Variants in GMDS observed in about 807,000 individuals in gnomAD.
GMDS encodes GDP-mannose 4,6 dehydratase.
Under a neutral mutation model 49.9 loss-of-function variants are expected in GMDS, and 20 were observed. That is an observed-to-expected ratio of 0.40 (90% CI 0.28 to 0.58). The LOEUF is 0.58. Among genes scored for constraint, GMDS ranks in the 20% least tolerant of loss-of-function variants. GMDS has a pLI of 0.42. For missense variants in GMDS, 362 were observed against 481.4 expected (o/e 0.75, Z 2.32); for synonymous variants, 177 against 178.6 (o/e 0.99, Z 0.07).
rs570552917 is a variant in GMDS, at chr6:1,640,884, G to C, written c.988-16344C>G. The stretch of plus-strand genomic sequence containing the variant: ...TATGATTGACAGTGGGGGCTGCCCT[G>C]GGTAAAGCTTGAGGTGGAGGGAGCA... On this transcript the variant is annotated intron_variant, in intron 9 of 10. Transcript: ENST00000380815. The surrounding 1 kb of genome is among the most constrained non-coding windows in gnomAD (Gnocchi z 4.0). 2.4e-4 allele frequency among the ~76,000 whole-genome samples: 37 copies of C among 152,222 alleles called. No individual in the cohort carries two copies. The highest frequency in any genetic ancestry group is 5.0e-4 in the Non-Finnish European group (34 of 68,036).
chr6:2,228,276 C>T (rs1229964607), intron 1 of GMDS, among the ~76,000 whole-genome samples: 4 of 152,196 alleles, frequency 2.6e-5, no homozygotes, highest in African/African-American at 9.7e-5. Context: ...AAAGCCAACA[C>T]CAACACCACC....
intron 7 of GMDS, among the ~76,000 whole-genome samples, chr6:1,878,033 G>A (rs1430387757): frequency 6.6e-6 from 1 of 152,142 alleles, no homozygotes; most frequent in African/African-American, 2.4e-5. Flanking sequence ...AAGAAGTCCT[G>A]CTGGGCGCGG....
chr6:2,104,452 C>A (rs1335742087), intron 4 of GMDS, among the ~76,000 whole-genome samples: 2 of 152,208 alleles, frequency 1.3e-5, no homozygotes, highest in South Asian at 4.1e-4. Flanking sequence ...GCAAGGTTCA[C>A]TTCCTTTGTC....
intron 4 of GMDS, among the ~76,000 whole-genome samples, chr6:2,104,956 G>A (rs1304815595): frequency 6.6e-6 from 1 of 151,998 alleles, no homozygotes; most frequent in Non-Finnish European, 1.5e-5. Flanking sequence ...GCTGAGGCGG[G>A]CAGATCACAA....
At chr6:1,776,635 G>A (rs1355878605) in intron 7 of GMDS, among the ~76,000 whole-genome samples, 1 of 152,096 alleles carries the variant, frequency 6.6e-6, no homozygotes, top group Non-Finnish European at 1.5e-5. Context: ...AGCTATGATT[G>A]CACTATTGCA....
intron 1 of GMDS, among the ~76,000 whole-genome samples, chr6:2,233,128 T>C (rs1246800714): frequency 6.6e-6 from 1 of 152,216 alleles, no homozygotes; most frequent in Admixed American, 6.5e-5. Flanking sequence ...ATAAATTGTA[T>C]GTTACATGTT....
chr6:1,841,923 TTCC>T (rs1228335577), intron 7 of GMDS, among the ~76,000 whole-genome samples: 1 of 152,232 alleles, frequency 6.6e-6, no homozygotes, highest in Non-Finnish European at 1.5e-5. Context: ...CTCTCCGTTT[TTCC>T]CACCATTGTC....
intron 7 of GMDS, among the ~76,000 whole-genome samples, chr6:1,882,431 A>G (rs773337388): frequency 1.3e-4 from 20 of 152,242 alleles, no homozygotes; most frequent in Non-Finnish European, 2.4e-4. Context: ...ATATGAATAA[A>G]TGGCTAGAAT....
intron 7 of GMDS, among the ~76,000 whole-genome samples, chr6:1,798,450 C>T (rs1769823055): frequency 6.6e-6 from 1 of 152,136 alleles, no homozygotes; most frequent in Non-Finnish European, 1.5e-5. Flanking sequence ...CAGATAAGAG[C>T]AGAACCTGTA....
At chr6:2,022,145 T>C (rs923108251) in intron 4 of GMDS, among the ~76,000 whole-genome samples, 1 of 152,008 alleles carries the variant, frequency 6.6e-6, no homozygotes, top group Non-Finnish European at 1.5e-5. Flanking sequence ...GTACCAAAAG[T>C]AGAAGATGCA....
intron 4 of GMDS, among the ~76,000 whole-genome samples, chr6:1,990,283 G>A (rs1339428675): frequency 1.3e-5 from 2 of 152,110 alleles, no homozygotes; most frequent in South Asian, 2.1e-4. Flanking sequence ...GAGACAGAGC[G>A]AGACTGTCTC....
intron 7 of GMDS, among the ~76,000 whole-genome samples, chr6:1,789,870 G>C (rs1769467746): frequency 6.6e-6 from 1 of 152,074 alleles, no homozygotes; most frequent in African/African-American, 2.4e-5. Context: ...CTTACTGCTG[G>C]TAGCATAGCT....
At chr6:1,812,530 G>A (rs2057093245) in intron 7 of GMDS, among the ~76,000 whole-genome samples, 1 of 151,942 alleles carries the variant, frequency 6.6e-6, no homozygotes, top group Non-Finnish European at 1.5e-5. Context: ...GCAAGGGGGA[G>A]AGGGAGAGGA....
chr6:1,762,588 T>C (rs1288067318), intron 7 of GMDS, among the ~76,000 whole-genome samples: 1 of 152,232 alleles, frequency 6.6e-6, no homozygotes, highest in African/African-American at 2.4e-5. Flanking sequence ...CCAGGGAAGA[T>C]TTGTGCTTCT....
intron 7 of GMDS, among the ~76,000 whole-genome samples, chr6:1,906,200 G>A (rs1400684394): frequency 6.6e-6 from 1 of 152,210 alleles, no homozygotes; most frequent in Admixed American, 6.5e-5. Context: ...CATGGCATAT[G>A]TATATATGTA....
intron 9 of GMDS, among the ~76,000 whole-genome samples, chr6:1,636,923 G>T (rs759557279): frequency 2.0e-5 from 3 of 152,218 alleles, no homozygotes; most frequent in Non-Finnish European, 2.9e-5. Context: ...GCACACGGGG[G>T]ATCGCTGGGA....
At chr6:1,632,286 A>T (rs1032756501) in intron 9 of GMDS, among the ~76,000 whole-genome samples, 1 of 152,236 alleles carries the variant, frequency 6.6e-6, no homozygotes, top group South Asian at 2.1e-4. Context: ...GATGGTATCA[A>T]CACACAGAAA....
intron 4 of GMDS, among the ~76,000 whole-genome samples, chr6:2,091,488 A>C (rs918668656): frequency 2.0e-5 from 3 of 152,208 alleles, no homozygotes; most frequent in Non-Finnish European, 4.4e-5. Flanking sequence ...AGTCTGAAAA[A>C]CATAAGTTTA....
chr6:2,239,062 C>G (rs531300089), intron 1 of GMDS, among the ~76,000 whole-genome samples: 1 of 152,232 alleles, frequency 6.6e-6, no homozygotes, highest in South Asian at 2.1e-4. Flanking sequence ...GGCACGGTGG[C>G]TCACGCCTAT....
Sources: allele counts gnomAD v4.1 joint callset (sites outside exome capture counted in the v4.1 genomes callset), GRCh38; gene constraint gnomAD v4.1.1; non-coding constraint Gnocchi (gnomAD v3.1); transcripts MANE v1.5; gene names NCBI Gene and HGNC (gene_info 2026-07-23, HGNC 2026-07-21).